The following DDR2 variants were observed in gnomAD, a reference collection of about 807,000 sequenced individuals.
The protein encoded by DDR2 is discoidin domain receptor tyrosine kinase 2, also known as discoidin domain-containing receptor 2.
A neutral mutation model predicts 94.9 loss-of-function variants in DDR2; 27 were observed. That is an observed-to-expected ratio of 0.28 (90% CI 0.21 to 0.39). DDR2 has a LOEUF of 0.39. Among genes scored for constraint, DDR2 ranks in the 10% least tolerant of loss-of-function variants. The pLI is 1.00. For missense variants in DDR2, 783 were observed against 1,076.0 expected, an observed-to-expected ratio of 0.73 and a Z score of 3.81; for synonymous variants, 382 against 377.2, an observed-to-expected ratio of 1.01 and a Z score of -0.15.
intron 4 of DDR2, 35 bp from the exon 5 acceptor site, chr1:162,754,589 G>T (rs1218693791): frequency 1.9e-6 from 3 of 1,607,370 alleles, no homozygotes; most frequent in Non-Finnish European, 1.7e-6. Flanking sequence ...TGGTTTCATG[G>T]TTGCTCCCTC....
intron 2 of DDR2, among the ~76,000 whole-genome samples, chr1:162,661,922 A>G (rs1273029453): frequency 1.3e-5 from 2 of 152,198 alleles, no homozygotes; most frequent in Non-Finnish European, 2.9e-5. Context: ...TTGTCTGCAT[A>G]GTCCAGGACA....
chr1:162,780,212 T>C lies in DDR2; in HGVS notation c.2534T>C (p.Ile845Thr). 1 of 1,613,940 alleles carries C rather than the reference T, an allele frequency of 6.2e-7. No homozygotes were observed. The highest frequency in any genetic ancestry group is 8.5e-7 in the Non-Finnish European group (1 of 1,179,938). The stretch of plus-strand genomic sequence containing the variant: ...AAGAACCGTCCCTCATTCCAAGAAA[T>C]CCACCTTCTGCTCCTTCAACAAGGC... ...DTKNRPSFQE[I>T]HLLLLQQGDE The change falls in exon 18 of 18, where the codon ATC becomes ACC. Residue 845 changes from isoleucine to threonine, a missense_variant. Physicochemically the swap from Ile to Thr is moderately conservative, Grantham distance 89. Coordinates refer to ENST00000367921, the MANE Select transcript of DDR2 (RefSeq NM_006182.4).
intron 3 of DDR2, among the ~76,000 whole-genome samples, chr1:162,734,983 G>A (rs1201719723): frequency 1.3e-5 from 2 of 152,220 alleles, no homozygotes; most frequent in African/African-American, 2.4e-5. Context: ...AGGTCATGGA[G>A]GTTGCGCACT....
chr1:162,673,598 T>A (rs1466121058), intron 2 of DDR2, among the ~76,000 whole-genome samples: 2 of 135,244 alleles, frequency 1.5e-5, no homozygotes, highest in East Asian at 5.3e-4. Flanking sequence ...TGTGTGTATG[T>A]GTGTGTGTGT....
intron 1 of DDR2, among the ~76,000 whole-genome samples, chr1:162,650,494 G>T (rs1657634961): frequency 6.6e-6 from 1 of 152,116 alleles, no homozygotes; most frequent in Admixed American, 6.5e-5. Flanking sequence ...TACTCAGGAG[G>T]CTGAGGCAGG....
intron 3 of DDR2, among the ~76,000 whole-genome samples, chr1:162,740,150 A>G (rs1365873818): frequency 2.6e-5 from 4 of 152,188 alleles, no homozygotes; most frequent in African/African-American, 9.7e-5. Context: ...CAGTGGCTTT[A>G]TTCCCCTCAA....
chr1:162,659,155 C>G (rs745715880), intron 2 of DDR2, among the ~76,000 whole-genome samples: 1 of 152,082 alleles, frequency 6.6e-6, no homozygotes, highest in African/African-American at 2.4e-5. Context: ...AGAGATAACT[C>G]CAGCCTTGGT....
intron 9 of DDR2, 79 bp downstream of exon 9, chr1:162,761,533 G>T (rs1310751598): frequency 6.2e-7 from 1 of 1,607,382 alleles, no homozygotes; most frequent in African/African-American, 1.3e-5. Context: ...CTTCTCATTA[G>T]CAGGTCTCTG....
chr1:162,728,204 A>G (rs185785753), intron 3 of DDR2, among the ~76,000 whole-genome samples: 1 of 144,750 alleles, frequency 6.9e-6, no homozygotes, highest in East Asian at 2.0e-4. Context: ...AGATAGATAT[A>G]TCTTTATATA....
Position 162,672,450 on chromosome 1 carries a change from T to C in DDR2, c.-28+17076T>C, listed in dbSNP as rs188859970. On this transcript the variant is annotated intron_variant, in intron 2 of 17. Coordinates refer to ENST00000367921, the MANE Select transcript of DDR2 (RefSeq NM_006182.4). ...AGTTTTTTGCAAAGTAGTGCACAAA[T>C]TAGTGCCTGGATCTACACAAACTAC... 4.0e-3 allele frequency among the ~76,000 whole-genome samples: 510 copies of C among 126,944 alleles called. 2 individuals are homozygous for C. The highest frequency in any genetic ancestry group is 0.014 in the African/African-American group (471 of 33,852). 83.3% of individuals were successfully genotyped at this position (126,944 alleles called of 152,430 possible). A position where few individuals can be genotyped will look rare whatever the true frequency, so the allele number is the denominator to read the frequency against.
chr1:162,734,919 A>C (rs921117764), intron 3 of DDR2, among the ~76,000 whole-genome samples: 2 of 152,198 alleles, frequency 1.3e-5, no homozygotes, highest in Non-Finnish European at 2.9e-5. Flanking sequence ...TGGAGAAGGG[A>C]TGATAGAGGA....
intron 13 of DDR2, among the ~76,000 whole-genome samples, chr1:162,772,587 A>G (rs1558078894): frequency 6.6e-6 from 1 of 152,204 alleles, no homozygotes; most frequent in Non-Finnish European, 1.5e-5. Flanking sequence ...TGAACTGTCC[A>G]GGAACATTCT....
intron 2 of DDR2, among the ~76,000 whole-genome samples, chr1:162,677,461 T>C (rs1213939947): frequency 6.6e-6 from 1 of 152,222 alleles, no homozygotes; most frequent in Admixed American, 6.5e-5. Flanking sequence ...CATGGATAAA[T>C]CAGTTGATCT....
intron 1 of DDR2, among the ~76,000 whole-genome samples, chr1:162,648,073 A>G (rs1297624844): frequency 7.5e-6 from 1 of 132,710 alleles, no homozygotes. Context: ...TTTTTTTTTG[A>G]GTACTTACTA....
intron 5 of DDR2, 93 bp downstream of exon 5, chr1:162,754,948 G>A: frequency 6.8e-7 from 1 of 1,477,946 alleles, no homozygotes; most frequent in Non-Finnish European, 9.4e-7. Context: ...GTGTGGATAT[G>A]TGTGTCCACA....
At chr1:162,701,186 A>G (rs1660414151) in intron 2 of DDR2, among the ~76,000 whole-genome samples, 1 of 152,262 alleles carries the variant, frequency 6.6e-6, no homozygotes, top group Non-Finnish European at 1.5e-5. Context: ...GTGGTATTAA[A>G]TAGGTTGACC....
At chr1:162,730,040 C>CTT (rs543854413) in intron 3 of DDR2, among the ~76,000 whole-genome samples, 3,013 of 53,608 alleles carry the variant, frequency 0.056, 82 homozygotes, top group South Asian at 0.077. Flanking sequence ...CCATGCCTGG[C>CTT]TTTTTTTTTT....
intron 1 of DDR2, among the ~76,000 whole-genome samples, chr1:162,637,017 A>G (rs1571125161): frequency 6.6e-6 from 1 of 152,150 alleles, no homozygotes; most frequent in South Asian, 2.1e-4. Context: ...TATATTTTTT[A>G]TCTATTAAAA....
intron 1 of DDR2, among the ~76,000 whole-genome samples, chr1:162,634,094 T>C (rs1656694180): frequency 6.6e-6 from 1 of 152,212 alleles, no homozygotes; most frequent in Non-Finnish European, 1.5e-5. Flanking sequence ...AAATTCCATA[T>C]TTCACTGGCT....
Sources: allele counts gnomAD v4.1 joint callset (sites outside exome capture counted in the v4.1 genomes callset), GRCh38; gene constraint gnomAD v4.1.1; transcripts MANE v1.5; gene names NCBI Gene and HGNC (gene_info 2026-07-23, HGNC 2026-07-21).